Variants in PYGO1 observed in about 807,000 individuals in gnomAD.
The protein encoded by PYGO1 is pygopus homolog 1.
A neutral mutation model predicts 29.5 loss-of-function variants in PYGO1; 6 were observed. That is an observed-to-expected ratio of 0.20 (90% CI 0.11 to 0.40). The LOEUF (loss-of-function observed/expected upper bound fraction) is 0.40, where lower values mean the gene tolerates loss of function less well. PYGO1 is among the 10% of genes least tolerant of loss of function. The pLI is 1.00. For synonymous variants in PYGO1, 186 were observed against 180.5 expected (o/e 1.03, Z -0.24); for missense variants, 515 against 514.9 (o/e 1.00, Z 0.00).
intron 1 of PYGO1, among the ~76,000 whole-genome samples, chr15:55,567,774 A>G (rs1370765644): frequency 1.3e-5 from 2 of 152,118 alleles, no homozygotes; most frequent in Non-Finnish European, 2.9e-5. Context: ...TAATTTTTGT[A>G]CATGGTGATA....
chr15:55,554,011 C>T (rs2058891961), intron 1 of PYGO1, among the ~76,000 whole-genome samples: 1 of 152,034 alleles, frequency 6.6e-6, no homozygotes, highest in Admixed American at 6.6e-5. Flanking sequence ...AAAAAAGACC[C>T]CACAAAAACC....
chr15:55,587,616 A>C (rs2059053756), intron 1 of PYGO1, among the ~76,000 whole-genome samples: 1 of 151,752 alleles, frequency 6.6e-6, no homozygotes, highest in South Asian at 2.1e-4. Context: ...GCCTCCGAAC[A>C]CAAAGTCGGG....
chr15:55,561,683 C>T (rs2058933537), intron 1 of PYGO1, among the ~76,000 whole-genome samples: 1 of 152,176 alleles, frequency 6.6e-6, no homozygotes, highest in African/African-American at 2.4e-5. Context: ...TATCACCTTC[C>T]TTACACCTTG....
intron 1 of PYGO1, among the ~76,000 whole-genome samples, chr15:55,553,510 C>T (rs1408761222): frequency 6.6e-6 from 1 of 152,116 alleles, no homozygotes; most frequent in African/African-American, 2.4e-5. Flanking sequence ...ATCCTCCTGC[C>T]TCAGCCTCTT....
In PYGO1 at chr15:55,587,910, C is replaced by G. The variant is rs746036740; in HGVS notation, c.-27G>C. Reference sequence around the variant, plus strand: ...ACAGACCGCAAAGCATGACTCCCCCCCAGGCCGCGGGAATTCGGTCTCTTT... The same window carrying G: ...ACAGACCGCAAAGCATGACTCCCCCGCAGGCCGCGGGAATTCGGTCTCTTT... On this transcript the variant is annotated 5_prime_UTR_variant, in exon 1 of 3. Transcript: ENST00000563719. 1.1e-5 allele frequency: 16 copies of G among 1,465,560 alleles called. No individual in the cohort carries two copies. In the East Asian group the frequency reaches 3.5e-4, roughly 32 times the overall value. The allele number at this position is 1,465,560 out of a possible 1,614,324, so 90.8% of individuals were successfully genotyped here.
At chr15:55,574,832 G>A (rs1292651423) in intron 1 of PYGO1, among the ~76,000 whole-genome samples, 1 of 151,980 alleles carries the variant, frequency 6.6e-6, no homozygotes, top group East Asian at 1.9e-4. Context: ...CTTTGTTTTT[G>A]TTCGTTCCTT....
At chr15:55,588,675 A>T, upstream of PYGO1, 1 of 966,246 alleles carries the variant, frequency 1.0e-6, no homozygotes, top group Admixed American at 2.3e-5. Flanking sequence ...CAGGCCCGAG[A>T]ACGCCCGACC....
In PYGO1 at chr15:55,546,073, T is replaced by G; in HGVS notation, c.1210A>C (p.Met404Leu). 6.2e-7 allele frequency: 1 copy of G among 1,614,146 alleles called. No homozygotes were observed. Among genetic ancestry groups the G allele is most frequent in the Non-Finnish European group, 8.5e-7 (1 of 1,179,996 alleles). ...GGACCAAAAGTTTCTCTAGTACGCA[T>G]TAACTGGACATCTTTGTCAGCCATA... Reference protein sequence around the residue: ...TCMADKDVQLMRTRETFGPSA... With the variant: ...TCMADKDVQLLRTRETFGPSA... The change falls in exon 3 of 3, where the codon ATG becomes CTG. Residue 404 changes from methionine to leucine, a missense_variant. By Grantham distance (15) the Met-to-Leu change is conservative. Coordinates refer to ENST00000563719, the MANE Select transcript of PYGO1 (RefSeq NM_001367806.1).
At chr15:55,569,143 T>C (rs530637018) in intron 1 of PYGO1, among the ~76,000 whole-genome samples, 3 of 152,134 alleles carry the variant, frequency 2.0e-5, no homozygotes, top group Non-Finnish European at 4.4e-5. Flanking sequence ...GAGTTCCTCC[T>C]CAATTTTTTA....
intron 1 of PYGO1, among the ~76,000 whole-genome samples, chr15:55,556,998 A>G (rs76528394): frequency 0.02 from 3,021 of 152,224 alleles, 129 homozygotes; most frequent in East Asian, 0.17. Context: ...GGCAGTAATA[A>G]ATAGCCTACC....
chr15:55,587,760 T>G (rs2059054883), intron 1 of PYGO1, 75 bp downstream of exon 1: 1 of 1,434,414 alleles, frequency 7.0e-7, no homozygotes, highest in Admixed American at 2.3e-5. Context: ...CCCCATGGCC[T>G]CCCGGCGGCC....
intron 1 of PYGO1, among the ~76,000 whole-genome samples, chr15:55,574,672 G>A (rs2058994038): frequency 7.1e-6 from 1 of 141,670 alleles, no homozygotes; most frequent in African/African-American, 2.6e-5. Context: ...GTGTGTGTGT[G>A]TATGATACGT....
chr15:55,572,684 C>T (rs1258381427), intron 1 of PYGO1, among the ~76,000 whole-genome samples: 1 of 152,048 alleles, frequency 6.6e-6, no homozygotes, highest in Non-Finnish European at 1.5e-5. Context: ...TATAGGTGCT[C>T]ATCCAAAAGC....
chr15:55,542,524 A>G lies in PYGO1; in HGVS notation c.*3499T>C, dbSNP rs1284650706. 1.3e-5 allele frequency: 2 copies of G among 152,230 alleles called. No homozygotes were observed. Among genetic ancestry groups the G allele is most frequent in the African/African-American group, 4.8e-5 (2 of 41,464 alleles). The allele number at this position is 152,230 out of a possible 1,614,324, so 9.4% of individuals were successfully genotyped here. On this transcript the variant is annotated 3_prime_UTR_variant, in exon 3 of 3. Transcript: ENST00000563719. ...GTCTGAAGAACAATTTATCTTTCACAAGCTGAGCTGTTTCAGTATTAGTGA... is the reference window on the plus strand; with the variant it reads ...GTCTGAAGAACAATTTATCTTTCACGAGCTGAGCTGTTTCAGTATTAGTGA...
chr15:55,561,428 C>T (rs1195540590), intron 1 of PYGO1, among the ~76,000 whole-genome samples: 1 of 152,142 alleles, frequency 6.6e-6, no homozygotes, highest in Non-Finnish European at 1.5e-5. Flanking sequence ...AGGAAACTTA[C>T]AATTATGGCA....
intron 1 of PYGO1, among the ~76,000 whole-genome samples, chr15:55,566,752 A>G (rs2058958547): frequency 6.6e-6 from 1 of 152,128 alleles, no homozygotes; most frequent in African/African-American, 2.4e-5. Flanking sequence ...TGGTTTTGAG[A>G]CAAGGTCTCA....
At chr15:55,547,711 A>T (rs1173903191) in intron 2 of PYGO1, among the ~76,000 whole-genome samples, 2 of 152,246 alleles carry the variant, frequency 1.3e-5, no homozygotes, top group East Asian at 1.9e-4. Flanking sequence ...GGTCAAAATG[A>T]TAAAAAGATC....
chr15:55,579,139 T>C (rs1422000310), intron 1 of PYGO1, among the ~76,000 whole-genome samples: 5 of 152,210 alleles, frequency 3.3e-5, no homozygotes, highest in Non-Finnish European at 7.4e-5. Flanking sequence ...AATAAACCTA[T>C]TACCAATTTA....
At chr15:55,575,501 G>GAA (rs11454968) in intron 1 of PYGO1, among the ~76,000 whole-genome samples, 1 of 151,856 alleles carries the variant, frequency 6.6e-6, no homozygotes, top group East Asian at 1.9e-4. Context: ...CAAATACAAA[G>GAA]AAAAAAATCA....
Sources: allele counts gnomAD v4.1 joint callset (sites outside exome capture counted in the v4.1 genomes callset), GRCh38; gene constraint gnomAD v4.1.1; transcripts MANE v1.5; gene names NCBI Gene and HGNC (gene_info 2026-07-23, HGNC 2026-07-21).